TUSC3: variants seen among roughly 807,000 people sequenced by gnomAD.
TUSC3 encodes dolichyl-diphosphooligosaccharide--protein glycosyltransferase subunit TUSC3.
A neutral mutation model predicts 44.8 loss-of-function variants in TUSC3; 45 were observed. That is an observed-to-expected ratio of 1.00 (90% confidence interval 0.79 to 1.29). TUSC3 has a LOEUF of 1.29. TUSC3 is among the 50% of genes most tolerant of loss of function. TUSC3 has a pLI of 0.00. For missense variants in TUSC3, 519 were observed against 437.9 expected, an observed-to-expected ratio of 1.19 and a Z score of -1.65; for synonymous variants, 212 against 152.9, an observed-to-expected ratio of 1.39 and a Z score of -2.85.
At chr8:15,439,573 CAAAAACAG>C (rs993496752) in intron 1 of TUSC3, among the ~76,000 whole-genome samples, 5 of 152,102 alleles carry the variant, frequency 3.3e-5, no homozygotes, top group Non-Finnish European at 7.4e-5. Context: ...AAAACAAAAA[CAAAAACAG>C]AAAAACATGA....
chr8:15,539,892 G>T (rs149729221), upstream of TUSC3, among the ~76,000 whole-genome samples: 1 of 152,164 alleles, frequency 6.6e-6, no homozygotes, highest in East Asian at 1.9e-4. Context: ...GTTTCCCAGG[G>T]CTCTGAAGGA....
At chr8:15,518,807 A>T (rs1585073594) in intron 2 of TUSC3, among the ~76,000 whole-genome samples, 1 of 152,208 alleles carries the variant, frequency 6.6e-6, no homozygotes, top group Non-Finnish European at 1.5e-5. Context: ...TTTTTATAGA[A>T]TTAAACACAA....
intron 6 of TUSC3, among the ~76,000 whole-genome samples, chr8:15,679,483 G>C (rs1808323247): frequency 6.6e-6 from 1 of 151,976 alleles, no homozygotes; most frequent in South Asian, 2.1e-4. Context: ...GTTCCTTATA[G>C]ATTCTGGATA....
intron 4 of TUSC3, among the ~76,000 whole-genome samples, chr8:15,660,653 C>G (rs1464703861): frequency 6.6e-6 from 1 of 151,862 alleles, no homozygotes; most frequent in Non-Finnish European, 1.5e-5. Context: ...CATGGTACCA[C>G]TGTCATTGTA....
the TUSC3 span, among the ~76,000 whole-genome samples, chr8:15,801,945 G>C: frequency 6.6e-6 from 1 of 152,192 alleles, no homozygotes; most frequent in Admixed American, 6.5e-5. Context: ...AATTAGATTT[G>C]CTTTTAGTCT....
intron 2 of TUSC3, among the ~76,000 whole-genome samples, chr8:15,500,305 TA>T (rs1445181892): frequency 2.0e-5 from 3 of 152,236 alleles, no homozygotes; most frequent in Non-Finnish European, 4.4e-5. Flanking sequence ...GTTCCGTATC[TA>T]ATGCAAGTTT....
chr8:15,607,857 C>T (rs1804600782), intron 1 of TUSC3, among the ~76,000 whole-genome samples: 1 of 152,116 alleles, frequency 6.6e-6, no homozygotes, highest in South Asian at 2.1e-4. Flanking sequence ...TACATTTCCT[C>T]CCTAATTCTC....
chr8:15,747,586 A>C (rs1421244), intron 8 of TUSC3, among the ~76,000 whole-genome samples: 34,365 of 151,994 alleles, frequency 0.23, 3,893 homozygotes, highest in East Asian at 0.29. Context: ...TATGCAAAAG[A>C]AACATATTTT....
chr8:15,800,106 G>A, the TUSC3 span, among the ~76,000 whole-genome samples: 2,960 of 152,224 alleles, frequency 0.019, 74 homozygotes, highest in African/African-American at 0.064. Context: ...TTTGTTACAG[G>A]GGAGACACTA....
upstream of TUSC3, chr8:15,540,233 GTCT>G (rs886062764): frequency 5.3e-6 from 4 of 757,074 alleles, no homozygotes; most frequent in Non-Finnish European, 7.5e-6. Context: ...GCCTTTCCAG[GTCT>G]TCTCCCGGTG....
At chr8:15,823,466 G>A in the TUSC3 span, among the ~76,000 whole-genome samples, 1 of 152,074 alleles carries the variant, frequency 6.6e-6, no homozygotes, top group Non-Finnish European at 1.5e-5. Flanking sequence ...CTTTCTCTAA[G>A]TTTCCCTAAA....
chr8:15,684,310 G>A (rs1808538412), intron 6 of TUSC3, among the ~76,000 whole-genome samples: 1 of 152,146 alleles, frequency 6.6e-6, no homozygotes, highest in Non-Finnish European at 1.5e-5. Context: ...GTATTTGCCA[G>A]AGTCAGAGTG....
At chr8:15,723,540 A>G (rs927727541) in intron 6 of TUSC3, among the ~76,000 whole-genome samples, 1 of 152,152 alleles carries the variant, frequency 6.6e-6, no homozygotes, top group African/African-American at 2.4e-5. Flanking sequence ...CTCTTCTTTC[A>G]GGCAAATCCA....
chr8:15,618,649 C>G (rs543347920), intron 1 of TUSC3, among the ~76,000 whole-genome samples: 1 of 152,246 alleles, frequency 6.6e-6, no homozygotes, highest in East Asian at 1.9e-4. Context: ...CTTTAGAAAA[C>G]AAATAAGCAG....
intron 6 of TUSC3, among the ~76,000 whole-genome samples, chr8:15,708,000 T>A (rs1421424238): frequency 6.6e-6 from 1 of 151,886 alleles, no homozygotes; most frequent in Admixed American, 6.6e-5. Context: ...ATCCCCTTCT[T>A]CTGTGCTTCT....
chr8:15,846,880 A>G, the TUSC3 span, among the ~76,000 whole-genome samples: 2 of 151,376 alleles, frequency 1.3e-5, no homozygotes, highest in Non-Finnish European at 2.9e-5. Context: ...ATAATTTGAA[A>G]AAAAAAAAAA....
chr8:15,483,189 G>A (rs1364543512), intron 1 of TUSC3, among the ~76,000 whole-genome samples: 1 of 151,974 alleles, frequency 6.6e-6, no homozygotes, highest in Non-Finnish European at 1.5e-5. Context: ...TTTATATTTT[G>A]CAAAAGAAAA....
chr8:15,617,998 C>T (rs1805068697), intron 1 of TUSC3, among the ~76,000 whole-genome samples: 1 of 152,124 alleles, frequency 6.6e-6, no homozygotes, highest in Non-Finnish European at 1.5e-5. Flanking sequence ...GCAGTCGTAA[C>T]ACAATAAGAA....
intron 2 of TUSC3, among the ~76,000 whole-genome samples, chr8:15,637,694 A>T (rs1228391045): frequency 6.6e-6 from 1 of 151,892 alleles, no homozygotes; most frequent in Non-Finnish European, 1.5e-5. Context: ...ACCAGAAACC[A>T]TAGTTTATAT....
Sources: allele counts gnomAD v4.1 joint callset (sites outside exome capture counted in the v4.1 genomes callset), GRCh38; gene constraint gnomAD v4.1.1; transcripts MANE v1.5; gene names NCBI Gene and HGNC (gene_info 2026-07-23, HGNC 2026-07-21).